PPP1R9A: variants seen among roughly 807,000 people sequenced by gnomAD.
PPP1R9A encodes neurabin-1.
Under a neutral mutation model 141.9 loss-of-function variants are expected in PPP1R9A, and 59 were observed. The observed-to-expected ratio is 0.42, with a 90% confidence interval of 0.34 to 0.52. The LOEUF is 0.52. Ranked by LOEUF, PPP1R9A falls within the 20% of genes least tolerant of loss-of-function variation. The pLI is 0.10. For synonymous variants in PPP1R9A, 500 were observed against 569.7 expected, an observed-to-expected ratio of 0.88 and a Z score of 1.74; for missense variants, 1,444 against 1,611.9, an observed-to-expected ratio of 0.90 and a Z score of 1.78.
At chr7:95,049,353 G>A (rs747916126) in intron 2 of PPP1R9A, among the ~76,000 whole-genome samples, 25 of 152,104 alleles carry the variant, frequency 1.6e-4, no homozygotes, top group Admixed American at 3.3e-4. Flanking sequence ...AAAAAAAGAG[G>A]ACCCCACCTA....
chr7:95,208,686 G>A (rs1214016634), intron 7 of PPP1R9A, among the ~76,000 whole-genome samples: 3 of 151,378 alleles, frequency 2.0e-5, no homozygotes, highest in Admixed American at 1.3e-4. Context: ...ATCACACCAC[G>A]GCACTCCATC....
chr7:95,288,703 T>C lies in PPP1R9A; in HGVS notation c.3897T>C (p.Asp1299=), dbSNP rs199924033. ...NITGEQLLQL[D]GNKLKALGMT... is the part of the protein sequence containing the mutation. ...CTGGAGAACAGCTCCTGCAGTTGGA[T>C]GGAAATAAACTTAAGGTAAAGAATT... Residue 1299 remains aspartate (D), a synonymous_variant, in exon 19 of 20, where the codon GAT becomes GAC. Coordinates refer to ENST00000433360, the MANE Select transcript of PPP1R9A (RefSeq NM_001166160.2). 8.1e-6 allele frequency: 13 copies of C among 1,613,798 alleles called. No individual in the cohort carries two copies. The highest frequency in any genetic ancestry group is 1.1e-5 in the Non-Finnish European group (13 of 1,179,954).
chr7:95,075,521 A>G (rs1814702108), intron 2 of PPP1R9A, among the ~76,000 whole-genome samples: 1 of 152,138 alleles, frequency 6.6e-6, no homozygotes, highest in South Asian at 2.1e-4. Flanking sequence ...TACCAACTTA[A>G]CAAAAGGTGA....
chr7:94,998,505 T>C (rs1802466586), intron 2 of PPP1R9A, among the ~76,000 whole-genome samples: 1 of 152,108 alleles, frequency 6.6e-6, no homozygotes, highest in Non-Finnish European at 1.5e-5. Flanking sequence ...GTCAGCTTGA[T>C]TTTTTTTAAA....
At chr7:95,133,890 A>G (rs903669052) in intron 4 of PPP1R9A, among the ~76,000 whole-genome samples, 5 of 151,982 alleles carry the variant, frequency 3.3e-5, no homozygotes, top group Non-Finnish European at 7.4e-5. Flanking sequence ...GGTTTTCACC[A>G]TGTTTCCCAG....
chr7:94,968,429 C>T (rs1005184843), intron 2 of PPP1R9A, among the ~76,000 whole-genome samples: 1 of 151,942 alleles, frequency 6.6e-6, no homozygotes, highest in Non-Finnish European at 1.5e-5. Context: ...GCCTCGGCCT[C>T]CCAAAGTGCT....
chr7:95,057,706 T>A (rs1811685244), intron 2 of PPP1R9A, among the ~76,000 whole-genome samples: 1 of 152,158 alleles, frequency 6.6e-6, no homozygotes, highest in Admixed American at 6.5e-5. Flanking sequence ...TCTTACTCAT[T>A]TTTATTCCTT....
At chr7:95,278,059 A>G (rs900763123) in intron 16 of PPP1R9A, among the ~76,000 whole-genome samples, 1 of 152,216 alleles carries the variant, frequency 6.6e-6, no homozygotes, top group Non-Finnish European at 1.5e-5. Context: ...TTTGCATTCA[A>G]GTAGAAAGTG....
intron 2 of PPP1R9A, among the ~76,000 whole-genome samples, chr7:95,090,905 G>T (rs886085451): frequency 1.3e-5 from 2 of 151,986 alleles, no homozygotes; most frequent in East Asian, 3.9e-4. Flanking sequence ...TGTACATACT[G>T]ATGTAGTTTT....
intron 2 of PPP1R9A, among the ~76,000 whole-genome samples, chr7:94,920,217 T>C (rs1475505533): frequency 5.3e-5 from 8 of 152,190 alleles, no homozygotes; most frequent in Non-Finnish European, 1.0e-4. Flanking sequence ...AAGTATGGGT[T>C]TAACTATATG....
intron 7 of PPP1R9A, among the ~76,000 whole-genome samples, chr7:95,207,710 C>T (rs992061686): frequency 6.6e-6 from 1 of 151,924 alleles, no homozygotes; most frequent in African/African-American, 2.4e-5. Flanking sequence ...ATGAGATTGT[C>T]TATTTAAAAA....
At chr7:95,120,662 A>T in intron 3 of PPP1R9A, 50 bp from the exon 4 acceptor site, 1 of 1,590,056 alleles carries the variant, frequency 6.3e-7, no homozygotes, top group African/African-American at 1.3e-5. Flanking sequence ...ATTGCAGACT[A>T]GTGTAAAACT....
intron 6 of PPP1R9A, among the ~76,000 whole-genome samples, chr7:95,201,757 G>GT (rs527365632): frequency 2.0e-5 from 3 of 152,028 alleles, no homozygotes; most frequent in Admixed American, 6.5e-5. Context: ...CAGTCACTTG[G>GT]TTTTTTTACT....
At chr7:94,967,639 C>CT (rs1199076362) in intron 2 of PPP1R9A, among the ~76,000 whole-genome samples, 12 of 151,138 alleles carry the variant, frequency 7.9e-5, no homozygotes, top group East Asian at 7.7e-4. Flanking sequence ...GAGTGAGTTT[C>CT]TTTTTTTTTG....
intron 2 of PPP1R9A, among the ~76,000 whole-genome samples, chr7:95,030,659 G>A (rs866840836): frequency 2.0e-5 from 3 of 152,116 alleles, no homozygotes; most frequent in South Asian, 2.1e-4. Flanking sequence ...AAAAGAGGTG[G>A]TAACCCCAAA....
rs994400747 is a variant in PPP1R9A, at chr7:95,161,786, C to T, written c.1650-81C>T. 12 of 881,134 alleles carry T rather than the reference C, an allele frequency of 1.4e-5. No homozygotes were observed. In the African/African-American group the frequency reaches 1.7e-4, roughly 13 times the overall value. The allele number at this position is 881,134 out of a possible 1,614,324, so 54.6% of individuals were successfully genotyped here. On this transcript the variant is annotated intron_variant, in intron 4 of 19. Transcript: ENST00000433360. ...GTATCTTAAAAATCACATATTTTGT[C>T]AACTGATTTGTTGGAAATGATTATT...
chr7:95,009,213 A>G lies in PPP1R9A; in HGVS notation c.1395+97705A>G, dbSNP rs1397941337. On this transcript the variant is annotated intron_variant, in intron 2 of 19. Coordinates refer to ENST00000433360, the MANE Select transcript of PPP1R9A (RefSeq NM_001166160.2). Reference sequence around the variant, plus strand: ...TATACCTAATGTAAATAAGGAGTTAATGGGTGCAGCACACCATCATGGCAC... The same window carrying G: ...TATACCTAATGTAAATAAGGAGTTAGTGGGTGCAGCACACCATCATGGCAC... Among the ~76,000 whole-genome samples, 8 of 152,212 alleles carry G rather than the reference A, an allele frequency of 5.3e-5. No individual in the cohort carries two copies. In the East Asian group the frequency reaches 1.5e-3, roughly 29 times the overall value.
At chr7:95,011,473 A>G (rs1804408547) in intron 2 of PPP1R9A, among the ~76,000 whole-genome samples, 1 of 152,182 alleles carries the variant, frequency 6.6e-6, no homozygotes, top group Non-Finnish European at 1.5e-5. Flanking sequence ...TAATCACTAT[A>G]TATGTGGTCT....
intron 2 of PPP1R9A, among the ~76,000 whole-genome samples, chr7:95,034,559 G>GT (rs1426249888): frequency 1.3e-5 from 2 of 151,984 alleles, no homozygotes; most frequent in African/African-American, 4.8e-5. Flanking sequence ...CACCACGTTG[G>GT]TCCAGCTGGT....
Sources: allele counts gnomAD v4.1 joint callset (sites outside exome capture counted in the v4.1 genomes callset), GRCh38; gene constraint gnomAD v4.1.1; transcripts MANE v1.5; gene names NCBI Gene and HGNC (gene_info 2026-07-23, HGNC 2026-07-21).